Variants in ANGPT1 observed in about 807,000 individuals in gnomAD.
ANGPT1 encodes angiopoietin-1.
In ANGPT1, 17 loss-of-function variants were observed where a neutral mutation model predicts 62.2. The observed-to-expected ratio is 0.27, with a 90% CI of 0.19 to 0.41. The LOEUF (loss-of-function observed/expected upper bound fraction) is 0.41, where lower values mean the gene tolerates loss of function less well. ANGPT1 is among the 10% of genes least tolerant of loss of function. ANGPT1 has a pLI of 1.00. For missense variants in ANGPT1, 478 were observed against 594.9 expected (o/e 0.80, Z 2.04); for synonymous variants, 199 against 198.9 (o/e 1.00, Z 0.00).
chr8:107,425,750 T>C (rs1186980221), intron 1 of ANGPT1, among the ~76,000 whole-genome samples: 2 of 152,176 alleles, frequency 1.3e-5, no homozygotes, highest in Non-Finnish European at 2.9e-5. Flanking sequence ...TCCCACAACT[T>C]GCATAAGAAA....
At chr8:107,463,809 A>G (rs897906094) in intron 1 of ANGPT1, among the ~76,000 whole-genome samples, 1 of 152,154 alleles carries the variant, frequency 6.6e-6, no homozygotes, top group Non-Finnish European at 1.5e-5. Flanking sequence ...TAAAAGCTAC[A>G]TAAGGATTTC....
At chr8:107,418,143 A>G (rs1333921248) in intron 1 of ANGPT1, among the ~76,000 whole-genome samples, 2 of 152,174 alleles carry the variant, frequency 1.3e-5, no homozygotes, top group African/African-American at 4.8e-5. Flanking sequence ...TCTAACGTAG[A>G]GAAAGTTTAG....
intron 6 of ANGPT1, among the ~76,000 whole-genome samples, chr8:107,286,836 T>C (rs1453694302): frequency 6.6e-6 from 1 of 152,128 alleles, no homozygotes; most frequent in African/African-American, 2.4e-5. Flanking sequence ...CAGGAAATAT[T>C]AGAGCAATTT....
At position 107,441,790 on chromosome 8, in the gene ANGPT1, A is replaced by C. The variant is rs565484549; in HGVS notation, c.297+55472T>G. 2.0e-5 allele frequency among the ~76,000 whole-genome samples: 3 copies of C among 152,168 alleles called. No homozygotes were observed. The South Asian group carries it at 6.2e-4, about 32-fold the overall frequency. On this transcript the variant is annotated intron_variant, in intron 1 of 8. Coordinates refer to ENST00000517746, the MANE Select transcript of ANGPT1 (RefSeq NM_001146.5). ...AATAGAAGTCAGGTCTTTGCAGATT[A>C]AAAAGGGGAGTCCTGGCCAGGCGCA...
chr8:107,497,172 C>T (rs975838256), intron 1 of ANGPT1, 90 bp downstream of exon 1: 2 of 1,423,868 alleles, frequency 1.4e-6, no homozygotes, highest in Non-Finnish European at 9.6e-7. Flanking sequence ...AAGGTAAATA[C>T]ACAAATGCTC....
intron 7 of ANGPT1, among the ~76,000 whole-genome samples, chr8:107,275,765 C>T (rs1813849607): frequency 6.6e-6 from 1 of 152,082 alleles, no homozygotes; most frequent in African/African-American, 2.4e-5. Context: ...AGTAGGGGAA[C>T]CTAGAGCAGT....
chr8:107,437,967 G>A (rs777205625), intron 1 of ANGPT1, among the ~76,000 whole-genome samples: 1 of 152,162 alleles, frequency 6.6e-6, no homozygotes, highest in Non-Finnish European at 1.5e-5. Context: ...CCTCCAGTGC[G>A]CTGTGACCCT....
intron 1 of ANGPT1, among the ~76,000 whole-genome samples, chr8:107,384,232 G>T (rs1816691893): frequency 6.6e-6 from 1 of 151,990 alleles, no homozygotes; most frequent in East Asian, 1.9e-4. Context: ...AAATGCCAAG[G>T]TTGGCATGGT....
At chr8:107,441,324 G>A (rs1811469375) in intron 1 of ANGPT1, among the ~76,000 whole-genome samples, 1 of 152,018 alleles carries the variant, frequency 6.6e-6, no homozygotes, top group South Asian at 2.1e-4. Context: ...CTACCCCTAG[G>A]GATCATGCAA....
At chr8:107,306,804 G>C (rs1187596339) in intron 4 of ANGPT1, among the ~76,000 whole-genome samples, 1 of 152,016 alleles carries the variant, frequency 6.6e-6, no homozygotes, top group Non-Finnish European at 1.5e-5. Context: ...CAGTGTTTTG[G>C]GAGGTAGAGG....
chr8:107,417,078 C>T (rs964628713), intron 1 of ANGPT1, among the ~76,000 whole-genome samples: 5 of 152,008 alleles, frequency 3.3e-5, no homozygotes, highest in Admixed American at 6.6e-5. Flanking sequence ...TATGAGCCAC[C>T]GTGCCTGGAG....
At chr8:107,482,594 G>A (rs1280830307) in intron 1 of ANGPT1, among the ~76,000 whole-genome samples, 3 of 152,124 alleles carry the variant, frequency 2.0e-5, no homozygotes, top group Non-Finnish European at 4.4e-5. Flanking sequence ...TTCAAGGGGA[G>A]GGGAACTCTT....
intron 1 of ANGPT1, among the ~76,000 whole-genome samples, chr8:107,381,275 A>T (rs1314207395): frequency 6.6e-6 from 1 of 152,166 alleles, no homozygotes; most frequent in Admixed American, 6.5e-5. Context: ...CTCAAAGGGG[A>T]AAAACTTGAA....
intron 1 of ANGPT1, among the ~76,000 whole-genome samples, chr8:107,362,894 T>G (rs1316751681): frequency 2.0e-5 from 3 of 152,188 alleles, no homozygotes; most frequent in Non-Finnish European, 4.4e-5. Context: ...ATCCACACCA[T>G]GCCTATCTTC....
chr8:107,321,273 G>C (rs1815142904), intron 4 of ANGPT1, among the ~76,000 whole-genome samples: 1 of 152,004 alleles, frequency 6.6e-6, no homozygotes, highest in African/African-American at 2.4e-5. Flanking sequence ...TCAAAAATTT[G>C]TATCTCCACT....
At chr8:107,302,031 C>G (rs1252829324) in intron 5 of ANGPT1, among the ~76,000 whole-genome samples, 1 of 151,924 alleles carries the variant, frequency 6.6e-6, no homozygotes, top group Admixed American at 6.6e-5. Flanking sequence ...TTACTATGCA[C>G]TGCATGGAAG....
At chr8:107,422,140 TAC>T (rs1423735277) in intron 1 of ANGPT1, among the ~76,000 whole-genome samples, 6 of 152,200 alleles carry the variant, frequency 3.9e-5, no homozygotes, top group Admixed American at 6.5e-5. Context: ...ATAAAATCGT[TAC>T]CTTAGTCTAC....
chr8:107,272,111 T>C (rs1353851343), intron 7 of ANGPT1, among the ~76,000 whole-genome samples: 1 of 152,066 alleles, frequency 6.6e-6, no homozygotes, highest in African/African-American at 2.4e-5. Flanking sequence ...AGACATTATC[T>C]TATTTGTTTC....
At chr8:107,455,332 T>G (rs1234554149) in intron 1 of ANGPT1, among the ~76,000 whole-genome samples, 1 of 152,104 alleles carries the variant, frequency 6.6e-6, no homozygotes, top group Non-Finnish European at 1.5e-5. Context: ...ATTTGTCTAA[T>G]TTTAGATGGA....
Sources: gnomAD v4.1 joint callset for allele counts (sites outside exome capture counted in the v4.1 genomes callset) on GRCh38, gnomAD v4.1.1 for gene constraint, MANE v1.5 for transcripts, NCBI Gene and HGNC (gene_info 2026-07-23, HGNC 2026-07-21) for gene names.